Variants in ITPRID2 observed in about 807,000 individuals in gnomAD.
ITPRID2 encodes ITPR interacting domain containing 2, also known as protein ITPRID2.
Under a neutral mutation model 124.3 loss-of-function variants are expected in ITPRID2, and 60 were observed. The observed-to-expected ratio is 0.48, with a 90% CI of 0.39 to 0.60. ITPRID2 has a LOEUF of 0.60. Ranked by LOEUF, ITPRID2 falls within the 20% of genes least tolerant of loss-of-function variation. ITPRID2 has a pLI of 0.00. For synonymous variants in ITPRID2, 521 were observed against 542.9 expected (o/e 0.96, Z 0.56); for missense variants, 1,553 against 1,512.2 (o/e 1.03, Z -0.45).
rs10716968 is a variant in ITPRID2 at position 181,907,446 on chromosome 2, GT to G, written c.1414-2438del. 0.73 allele frequency among the ~76,000 whole-genome samples: 106,164 copies of G among 144,566 alleles called. 39,449 individuals carry two copies. The highest frequency in any genetic ancestry group is 0.84 in the Middle Eastern group (241 of 288). The allele number at this position is 144,566 out of a possible 152,430, so 94.8% of individuals were successfully genotyped here. On this transcript the variant is annotated intron_variant, in intron 8 of 17. Transcript: ENST00000431877. This position sits in a 1 kb window ranked among gnomAD's most constrained non-coding sequence, Gnocchi z 5.1. ...GCAATTTTATCACTTTGGTTTAGTGGTTTTTTTTTTTTTTTATATTATGAAA... is the reference window on the plus strand; with the variant it reads ...GCAATTTTATCACTTTGGTTTAGTGGTTTTTTTTTTTTTTATATTATGAAA...
intron 2 of ITPRID2, chr2:181,893,520 C>T (rs1691932785): frequency 2.0e-5 from 3 of 152,080 alleles, no homozygotes; most frequent in Non-Finnish European, 4.4e-5. Context: ...AGTTTGCCTC[C>T]TCTAAAGACA....
chr2:181,928,045 A>G, intron 16 of ITPRID2, 116 bp from the exon 17 acceptor site: 1 of 666,530 alleles, frequency 1.5e-6, no homozygotes, highest in South Asian at 1.9e-5. Context: ...TTGCAGGGAG[A>G]TTCACATGAA....
chr2:181,899,105 G>A lies in ITPRID2; in HGVS notation c.496G>A (p.Val166Ile). 1 of 1,597,230 alleles carries A rather than the reference G, an allele frequency of 6.3e-7. No homozygotes were observed. Among genetic ancestry groups the A allele is most frequent in the Non-Finnish European group, 8.5e-7 (1 of 1,172,564 alleles). ...TGGATCTGGGAAAAGTAGTGGGACAGTTTCAAGGTAACTTATTCTGAAATT... is the reference window on the plus strand; with the variant it reads ...TGGATCTGGGAAAAGTAGTGGGACAATTTCAAGGTAACTTATTCTGAAATT... ...STGSGKSSGTVSSVSELLELY... is the reference protein window; with the variant it reads ...STGSGKSSGTISSVSELLELY... The change falls in exon 6 of 18, where the codon GTT (valine) becomes ATT (isoleucine). Residue 166 changes from valine (V) to isoleucine (I), a missense_variant. Physicochemically the swap from Val to Ile is conservative, Grantham distance 29. Transcript: ENST00000431877.
chr2:181,920,701 G>A, intron 15 of ITPRID2, 39 bp downstream of exon 15: 1 of 1,458,538 alleles, frequency 6.9e-7, no homozygotes, highest in South Asian at 1.2e-5. Context: ...GGAAGGGAAT[G>A]ATACAACATT....
chr2:181,927,959 C>T (rs1694986040), intron 16 of ITPRID2, among the ~76,000 whole-genome samples: 1 of 152,136 alleles, frequency 6.6e-6, no homozygotes, highest in Admixed American at 6.5e-5. Context: ...GTTAGCTGAA[C>T]AATTCTAGAC....
rs1694298492 is a variant in ITPRID2 at position 181,919,213 on chromosome 2, C to T, written c.2994-83C>T. 6.8e-7 allele frequency: 1 copy of T among 1,479,838 alleles called. No individual in the cohort carries two copies. Among genetic ancestry groups the T allele is most frequent in the Non-Finnish European group, 9.3e-7 (1 of 1,074,396 alleles). The allele number at this position is 1,479,838 out of a possible 1,614,324, so 91.7% of individuals were successfully genotyped here. ...CTGAGATTTCCATGCCTTCTGTTAGCATATAGTAGTTGTTGAAAGATTTGT... is the reference window on the plus strand; with the variant it reads ...CTGAGATTTCCATGCCTTCTGTTAGTATATAGTAGTTGTTGAAAGATTTGT... On this transcript the variant is annotated intron_variant, in intron 13 of 17. Transcript: ENST00000431877. This position sits in a 1 kb window ranked among gnomAD's most constrained non-coding sequence, Gnocchi z 4.2.
chr2:181,913,584 CTTAA>C, intron 9 of ITPRID2, among the ~76,000 whole-genome samples: 1 of 152,202 alleles, frequency 6.6e-6, no homozygotes, highest in Non-Finnish European at 1.5e-5. Context: ...ATAATTAGAG[CTTAA>C]TTAATGAGCG....
chr2:181,915,718 C>T lies in ITPRID2; in HGVS notation c.2078C>T (p.Thr693Ile), dbSNP rs762701393. Residue 693 changes from threonine (T) to isoleucine (I), a missense_variant, in exon 11 of 18, where the codon ACA becomes ATA. By Grantham distance (89) the Thr-to-Ile change is moderately conservative. Transcript: ENST00000431877. ...CCCTCTTCCATGGACAGAGTTAATA[C>T]AGCTTTGCAAAGAGCTCAAATGAAG... ...GPPSSMDRVN[T>I]ALQRAQMKVC... is the part of the protein sequence containing the mutation. 7 of 1,614,070 alleles carry T rather than the reference C, an allele frequency of 4.3e-6. No homozygotes were observed. Among genetic ancestry groups the T allele is most frequent in the Non-Finnish European group, 5.9e-6 (7 of 1,180,026 alleles).
rs772440994 is a variant in ITPRID2, at chr2:181,896,655, A to G, written c.308-253A>G. Among the ~76,000 whole-genome samples the G allele has an allele frequency of 5.3e-5, 8 of 152,014 alleles. No individual in the cohort carries two copies. Among genetic ancestry groups the G allele is most frequent in the African/African-American group, 1.9e-4 (8 of 41,436 alleles). On this transcript the variant is annotated intron_variant, in intron 3 of 17. Coordinates refer to ENST00000431877, the MANE Select transcript of ITPRID2 (RefSeq NM_001130445.3). This position sits in a 1 kb window ranked among gnomAD's most constrained non-coding sequence, Gnocchi z 4.3. ...AGTCTGATTGAACATCTTCAAAAAT[A>G]TAAGTTTAAAACAGCCTATAGGTTG...
chr2:181,929,313 A>T (rs925813822), intron 17 of ITPRID2, among the ~76,000 whole-genome samples: 2 of 152,100 alleles, frequency 1.3e-5, no homozygotes, highest in African/African-American at 2.4e-5. Flanking sequence ...GAAAAGTATA[A>T]TATACAATTT....
rs557520678 is a variant in ITPRID2 at position 181,902,964 on chromosome 2, C to T, written c.1413+498C>T. On this transcript the variant is annotated intron_variant, in intron 8 of 17. Coordinates refer to ENST00000431877, the MANE Select transcript of ITPRID2 (RefSeq NM_001130445.3). This position sits in a 1 kb window ranked among gnomAD's most constrained non-coding sequence, Gnocchi z 4.4. ...GACTGGAAAGAACATGAAGATATTA[C>T]GTACCTGCATGGGGAGGATAGGGAC... 2.1e-4 allele frequency among the ~76,000 whole-genome samples: 32 copies of T among 152,180 alleles called. No homozygotes were observed. The highest frequency in any genetic ancestry group is 9.6e-4 in the East Asian group (5 of 5,184).
At chr2:181,903,013 G>A (rs1209928514) in intron 8 of ITPRID2, among the ~76,000 whole-genome samples, 1 of 152,140 alleles carries the variant, frequency 6.6e-6, no homozygotes, top group Non-Finnish European at 1.5e-5. Flanking sequence ...GGTTTGAAAG[G>A]CCACTGAATA....
Position 181,910,406 on chromosome 2 carries a change from A to C in ITPRID2, c.1486+435A>C. 5.8e-6 allele frequency: 3 copies of C among 516,000 alleles called. No individual in the cohort carries two copies. Among genetic ancestry groups the C allele is most frequent in the Non-Finnish European group, 1.0e-5 (3 of 289,074 alleles). The allele number at this position is 516,000 out of a possible 1,614,324, so 32.0% of individuals were successfully genotyped here. ...TAGCAAAACCCACCAATTTTTTAGC[A>C]ATAGTTAAAGCTAGTTAAATTCAAA... On this transcript the variant is annotated intron_variant, in intron 9 of 17. Transcript: ENST00000431877. The surrounding 1 kb of genome is among the most constrained non-coding windows in gnomAD (Gnocchi z 4.1).
Position 181,910,782 on chromosome 2 carries a change from T to C in ITPRID2, c.1486+811T>C, listed in dbSNP as rs572022931. Among the ~76,000 whole-genome samples the C allele has an allele frequency of 1.2e-4, 19 of 152,286 alleles. No individual in the cohort carries two copies. The South Asian group carries it at 3.3e-3, about 27-fold the overall frequency. The stretch of plus-strand genomic sequence containing the variant: ...CTTCACAGGAGACAATTTGCATAAA[T>C]TTTTTTCTTTTATTGCAATATGGTA... On this transcript the variant is annotated intron_variant, in intron 9 of 17. Coordinates refer to ENST00000431877, the MANE Select transcript of ITPRID2 (RefSeq NM_001130445.3). This position sits in a 1 kb window ranked among gnomAD's most constrained non-coding sequence, Gnocchi z 4.1.
At chr2:181,911,443 T>TA (rs748959959) in intron 9 of ITPRID2, among the ~76,000 whole-genome samples, 40 of 152,318 alleles carry the variant, frequency 2.6e-4, no homozygotes, top group Non-Finnish European at 4.9e-4. Context: ...ATTCGGTAGT[T>TA]ATGTTGAGAA....
At position 181,896,142 on chromosome 2, in the gene ITPRID2, G is replaced by A. The variant is rs1182913856; in HGVS notation, c.307+63G>A. 2.1e-6 allele frequency: 3 copies of A among 1,399,682 alleles called. No individual in the cohort carries two copies. In the African/African-American group the frequency reaches 4.3e-5, roughly 20 times the overall value. 86.7% of individuals were successfully genotyped at this position (1,399,682 alleles called of 1,614,324 possible). A position where few individuals can be genotyped will look rare whatever the true frequency, so the allele number is the denominator to read the frequency against. ...ACAGTTCTACTTCTTTGTCCTCTGG[G>A]TAAAAGTGTATATATGACTTATAAA... On this transcript the variant is annotated intron_variant, in intron 3 of 17. Coordinates refer to ENST00000431877, the MANE Select transcript of ITPRID2 (RefSeq NM_001130445.3). This position sits in a 1 kb window ranked among gnomAD's most constrained non-coding sequence, Gnocchi z 4.3.
At position 181,892,756 on chromosome 2, in the gene ITPRID2, G is replaced by A. The variant is rs1256664561; in HGVS notation, c.257+96G>A. 11 of 1,460,834 alleles carry A rather than the reference G, an allele frequency of 7.5e-6. No homozygotes were observed. In the East Asian group the frequency reaches 2.3e-4, roughly 31 times the overall value. 90.5% of individuals were successfully genotyped at this position (1,460,834 alleles called of 1,614,324 possible). A position where few individuals can be genotyped will look rare whatever the true frequency, so the allele number is the denominator to read the frequency against. ...CGGGCCGCGTCCCTGTGGGTCCCGC[G>A]ACCGTTGTAAGCTACAAACCGGAAA... On this transcript the variant is annotated intron_variant, in intron 2 of 17. Coordinates refer to ENST00000431877, the MANE Select transcript of ITPRID2 (RefSeq NM_001130445.3). This position sits in a 1 kb window ranked among gnomAD's most constrained non-coding sequence, Gnocchi z 5.2.
rs1273655965 is a variant in ITPRID2 at position 181,907,830 on chromosome 2, G to T, written c.1414-2069G>T. Among the ~76,000 whole-genome samples the T allele has an allele frequency of 3.3e-5, 5 of 152,134 alleles. No homozygotes were observed. The South Asian group carries it at 8.3e-4, about 25-fold the overall frequency. ...TTCAGCAAGTGGGTACTCTGATTTT[G>T]CTGAGTAAACAAGAAGAATCCCAAC... On this transcript the variant is annotated intron_variant, in intron 8 of 17. Coordinates refer to ENST00000431877, the MANE Select transcript of ITPRID2 (RefSeq NM_001130445.3). The surrounding 1 kb of genome is among the most constrained non-coding windows in gnomAD (Gnocchi z 5.1).
Position 181,902,136 on chromosome 2 carries a change from A to G in ITPRID2, c.1083A>G (p.Glu361=). 1 of 1,613,516 alleles carries G rather than the reference A, an allele frequency of 6.2e-7. No homozygotes were observed. The highest frequency in any genetic ancestry group is 1.1e-5 in the South Asian group (1 of 90,848). The change falls in exon 8 of 18, where the codon GAA becomes GAG. Residue 361 remains glutamate (E), a synonymous_variant. Coordinates refer to ENST00000431877, the MANE Select transcript of ITPRID2 (RefSeq NM_001130445.3). This position sits in a 1 kb window ranked among gnomAD's most constrained non-coding sequence, Gnocchi z 4.4. ...CTTCTATGTTGGCTACAGTTAAAGA[A>G]GAAGTCTCTGGTAGTTCAGCAGCTG... ...ESSSMLATVK[E]EVSGSSAAVT...
Sources: allele counts gnomAD v4.1 joint callset (sites outside exome capture counted in the v4.1 genomes callset), GRCh38; gene constraint gnomAD v4.1.1; non-coding constraint Gnocchi (gnomAD v3.1); transcripts MANE v1.5; gene names NCBI Gene and HGNC (gene_info 2026-07-23, HGNC 2026-07-21).